Variants in DLC1 observed in about 807,000 individuals in gnomAD.
DLC1 encodes DLC1 Rho GTPase activating protein.
A neutral mutation model predicts 140.3 loss-of-function variants in DLC1; 54 were observed. The observed-to-expected ratio is 0.38, with a 90% CI of 0.31 to 0.48. The LOEUF is 0.48. Among genes scored for constraint, DLC1 ranks in the 20% least tolerant of loss-of-function variants. The probability of loss-of-function intolerance (pLI) is 0.96; values close to 1 mark genes in which losing one functional copy is unlikely to be tolerated. For synonymous variants in DLC1, 986 were observed against 728.1 expected, an observed-to-expected ratio of 1.35 and a Z score of -5.70; for missense variants, 2,536 against 1,907.0, an observed-to-expected ratio of 1.33 and a Z score of -6.14.
intron 5 of DLC1, among the ~76,000 whole-genome samples, chr8:13,296,315 G>T (rs533932840): frequency 6.6e-6 from 1 of 152,072 alleles, no homozygotes; most frequent in East Asian, 1.9e-4. Context: ...ATACAAAAGG[G>T]CCCTTTCATA....
chr8:13,390,187 T>G (rs1402470138), intron 4 of DLC1, among the ~76,000 whole-genome samples: 3 of 152,076 alleles, frequency 2.0e-5, no homozygotes, highest in Non-Finnish European at 4.4e-5. Flanking sequence ...CCTAAAAGAA[T>G]AACAACACCA....
intron 1 of DLC1, among the ~76,000 whole-genome samples, chr8:13,525,741 G>A (rs1174451774): frequency 6.6e-6 from 1 of 152,072 alleles, no homozygotes; most frequent in Middle Eastern, 3.2e-3. Context: ...TAGGTGATTT[G>A]CAAATATTTC....
intron 4 of DLC1, among the ~76,000 whole-genome samples, chr8:13,372,754 C>G (rs1729166): frequency 0.59 from 89,132 of 152,098 alleles, 27,006 homozygotes; most frequent in East Asian, 0.83. Flanking sequence ...TTAATATTTT[C>G]TTTAGCACAA....
At chr8:13,156,710 G>T (rs915357307) in intron 5 of DLC1, among the ~76,000 whole-genome samples, 1 of 152,164 alleles carries the variant, frequency 6.6e-6, no homozygotes, top group Non-Finnish European at 1.5e-5. Flanking sequence ...TGGCTAAAGA[G>T]AATGTTCGCA....
chr8:13,227,615 C>T (rs755026144), intron 5 of DLC1, among the ~76,000 whole-genome samples: 1 of 152,188 alleles, frequency 6.6e-6, no homozygotes, highest in Admixed American at 6.5e-5. Flanking sequence ...AACATACATA[C>T]ACTCGACCCC....
At chr8:13,342,968 T>C (rs1834147166) in intron 4 of DLC1, among the ~76,000 whole-genome samples, 1 of 152,148 alleles carries the variant, frequency 6.6e-6, no homozygotes, top group South Asian at 2.1e-4. Flanking sequence ...CTGTCTTTTG[T>C]GTGACTTGGT....
intron 2 of DLC1, among the ~76,000 whole-genome samples, chr8:13,481,933 A>G (rs894839381): frequency 6.6e-6 from 1 of 152,196 alleles, no homozygotes; most frequent in African/African-American, 2.4e-5. Context: ...GAAAGATAAT[A>G]TACCTACAAG....
At chr8:13,563,908 A>G (rs1287454818) in intron 1 of DLC1, among the ~76,000 whole-genome samples, 1 of 152,184 alleles carries the variant, frequency 6.6e-6, no homozygotes, top group Non-Finnish European at 1.5e-5. Flanking sequence ...TACTAACTGG[A>G]AAAAATTGTT....
At chr8:13,322,700 C>G (rs976485031) in intron 4 of DLC1, among the ~76,000 whole-genome samples, 1 of 152,096 alleles carries the variant, frequency 6.6e-6, no homozygotes, top group African/African-American at 2.4e-5. Flanking sequence ...CAGTAAAAAG[C>G]TGAGTCAAAC....
At chr8:13,103,869 A>G (rs1205755275) in intron 7 of DLC1, among the ~76,000 whole-genome samples, 1 of 147,108 alleles carries the variant, frequency 6.8e-6, no homozygotes, top group Non-Finnish European at 1.5e-5. Context: ...AGAAAGAAAG[A>G]AAAGAAAAGT....
chr8:13,461,157 C>G (rs563454189), intron 2 of DLC1, among the ~76,000 whole-genome samples: 98 of 152,332 alleles, frequency 6.4e-4, no homozygotes, highest in Admixed American at 1.3e-3. Context: ...CTGCAGTGAG[C>G]TATGATGGTG....
intron 1 of DLC1, among the ~76,000 whole-genome samples, chr8:13,506,084 G>C (rs1313981770): frequency 6.6e-6 from 1 of 151,998 alleles, no homozygotes; most frequent in Non-Finnish European, 1.5e-5. Flanking sequence ...GCAGTCCTTT[G>C]AGAATACATG....
chr8:13,358,008 TG>T (rs1835028763), intron 4 of DLC1, among the ~76,000 whole-genome samples: 1 of 152,178 alleles, frequency 6.6e-6, no homozygotes, highest in Non-Finnish European at 1.5e-5. Flanking sequence ...AATTTTAAAT[TG>T]ATAGATAAAA....
intron 2 of DLC1, among the ~76,000 whole-genome samples, chr8:13,412,107 T>TGAA (rs1306136321): frequency 6.6e-6 from 1 of 152,188 alleles, no homozygotes; most frequent in African/African-American, 2.4e-5. Flanking sequence ...CGACAATGAA[T>TGAA]GAAGCAGTTA....
At chr8:13,155,181 C>G (rs1001634021) in intron 5 of DLC1, among the ~76,000 whole-genome samples, 1 of 149,590 alleles carries the variant, frequency 6.7e-6, no homozygotes, top group Non-Finnish European at 1.5e-5. Context: ...TATAAATGTA[C>G]TCAATTTCTT....
chr8:13,172,041 T>C (rs1396987607), intron 5 of DLC1, among the ~76,000 whole-genome samples: 1 of 152,230 alleles, frequency 6.6e-6, no homozygotes, highest in East Asian at 1.9e-4. Flanking sequence ...AAAAAGTCGA[T>C]CATTATAATA....
intron 5 of DLC1, among the ~76,000 whole-genome samples, chr8:13,168,225 G>C (rs1825231173): frequency 6.6e-6 from 1 of 152,122 alleles, no homozygotes; most frequent in South Asian, 2.1e-4. Context: ...ATAGCCTTTA[G>C]ATTAGAATGG....
At chr8:13,585,775 C>T (rs1805283915) in intron 1 of DLC1, among the ~76,000 whole-genome samples, 1 of 152,106 alleles carries the variant, frequency 6.6e-6, no homozygotes. Flanking sequence ...TTATTCTACC[C>T]ATGCTCATAT....
At chr8:13,434,749 G>T (rs1328753836) in intron 2 of DLC1, among the ~76,000 whole-genome samples, 1 of 152,142 alleles carries the variant, frequency 6.6e-6, no homozygotes, top group East Asian at 1.9e-4. Context: ...CAGTCTCGTG[G>T]CTTACTGCAG....
Sources: gnomAD v4.1 joint callset for allele counts (sites outside exome capture counted in the v4.1 genomes callset) on GRCh38, gnomAD v4.1.1 for gene constraint, MANE v1.5 for transcripts, NCBI Gene and HGNC (gene_info 2026-07-23, HGNC 2026-07-21) for gene names.